The following PIGU variants were observed in gnomAD, a reference collection of about 807,000 sequenced individuals.
PIGU encodes the protein phosphatidylinositol glycan anchor biosynthesis class U, also known as GPI-anchor transamidase component PIGU.
PIGU carries 24 observed loss-of-function variants against 49.9 expected under a neutral mutation model. That is an observed-to-expected ratio of 0.48 (90% CI 0.35 to 0.68). The LOEUF (loss-of-function observed/expected upper bound fraction) is 0.68, where lower values mean the gene tolerates loss of function less well. Ranked by LOEUF, PIGU falls within the 30% of genes least tolerant of loss-of-function variation. PIGU has a pLI of 0.01. For missense variants in PIGU, 490 were observed against 532.6 expected, an observed-to-expected ratio of 0.92 and a Z score of 0.79; for synonymous variants, 220 against 205.7, an observed-to-expected ratio of 1.07 and a Z score of -0.59.
At chr20:34,572,841 A>G (rs1983069958) in intron 11 of PIGU, among the ~76,000 whole-genome samples, 1 of 152,210 alleles carries the variant, frequency 6.6e-6, no homozygotes, top group Non-Finnish European at 1.5e-5. Flanking sequence ...ATTTACCTAC[A>G]TAAACAAACA....
chr20:34,605,329 C>T (rs1369801530), intron 7 of PIGU, among the ~76,000 whole-genome samples: 1 of 152,158 alleles, frequency 6.6e-6, no homozygotes, highest in Non-Finnish European at 1.5e-5. Flanking sequence ...AATAGTTTCA[C>T]CTCTGGCACT....
intron 6 of PIGU, among the ~76,000 whole-genome samples, chr20:34,617,756 C>A (rs576279999): frequency 2.0e-5 from 3 of 152,012 alleles, no homozygotes; most frequent in African/African-American, 7.3e-5. Flanking sequence ...GGGGCTGAGG[C>A]AGAATGATAT....
intron 2 of PIGU, among the ~76,000 whole-genome samples, chr20:34,649,162 C>T (rs1423131510): frequency 1.1e-4 from 17 of 151,804 alleles, no homozygotes; most frequent in Admixed American, 3.3e-4. Context: ...CCACCACGCC[C>T]GGTCTGTTTT....
chr20:34,583,986 G>A (rs2146708486), intron 9 of PIGU, among the ~76,000 whole-genome samples: 1 of 152,296 alleles, frequency 6.6e-6, no homozygotes, highest in African/African-American at 2.4e-5. Flanking sequence ...ACCTGTCTGT[G>A]TCTGTTTTCC....
intron 6 of PIGU, among the ~76,000 whole-genome samples, chr20:34,620,652 A>G (rs1371927808): frequency 6.6e-6 from 1 of 152,054 alleles, no homozygotes; most frequent in African/African-American, 2.4e-5. Context: ...TCTACTAAAA[A>G]TACAAAAAAT....
At chr20:34,592,161 C>T (rs1393991843) in intron 7 of PIGU, among the ~76,000 whole-genome samples, 5 of 150,070 alleles carry the variant, frequency 3.3e-5, no homozygotes, top group Admixed American at 2.7e-4. Context: ...TGCACTCGAG[C>T]CTGGGTGACA....
At chr20:34,661,347 A>G (rs922278806) in intron 1 of PIGU, among the ~76,000 whole-genome samples, 2 of 152,108 alleles carry the variant, frequency 1.3e-5, no homozygotes, top group Non-Finnish European at 2.9e-5. Context: ...TAGCTTTTCC[A>G]TCTTCACCCT....
At chr20:34,568,543 C>A (rs1982873049) in intron 11 of PIGU, among the ~76,000 whole-genome samples, 1 of 152,164 alleles carries the variant, frequency 6.6e-6, no homozygotes, top group Non-Finnish European at 1.5e-5. Context: ...CTCGAGCCAA[C>A]CCCAAATGGG....
intron 8 of PIGU, among the ~76,000 whole-genome samples, chr20:34,588,048 T>C (rs1250928280): frequency 6.6e-6 from 1 of 152,148 alleles, no homozygotes; most frequent in Non-Finnish European, 1.5e-5. Context: ...AGATGGATCA[T>C]TGAGACCAGC....
rs182348339 is a variant in PIGU, at chr20:34,649,109, C to T, written c.196-3775G>A. ...GTCTCAAACTCCTGACCTCGTGATCCGCCCGCCTTGGCCTCCCGAAGTGCT... is the reference window on the plus strand; with the variant it reads ...GTCTCAAACTCCTGACCTCGTGATCTGCCCGCCTTGGCCTCCCGAAGTGCT... On this transcript the variant is annotated intron_variant, in intron 2 of 11. Coordinates refer to ENST00000217446, the MANE Select transcript of PIGU (RefSeq NM_080476.5). 1.7e-3 allele frequency among the ~76,000 whole-genome samples: 264 copies of T among 152,194 alleles called. 1 individual carries two copies. The highest frequency in any genetic ancestry group is 9.7e-4 in the East Asian group (5 of 5,174).
chr20:34,613,430 T>C (rs1337491252), intron 7 of PIGU, among the ~76,000 whole-genome samples: 1 of 152,192 alleles, frequency 6.6e-6, no homozygotes, highest in Non-Finnish European at 1.5e-5. Context: ...CAGGAGGAAA[T>C]TTCCTTTAGT....
intron 7 of PIGU, among the ~76,000 whole-genome samples, chr20:34,614,528 G>C (rs1338616268): frequency 1.3e-5 from 2 of 151,578 alleles, no homozygotes; most frequent in African/African-American, 2.4e-5. Flanking sequence ...AGGAGACTAA[G>C]GTGAGACGAT....
rs1363062647 is a variant in PIGU at position 34,670,002 on chromosome 20, A to C, written c.130+6954T>G. Among the ~76,000 whole-genome samples, 3 of 152,346 alleles carry C rather than the reference A, an allele frequency of 2.0e-5. No individual in the cohort carries two copies. The East Asian group carries it at 5.8e-4, about 29-fold the overall frequency. ...AAAATACAAAGATGTCATTACATAT[A>C]AAAGTCAGGATAATAGTTACTTATG... On this transcript the variant is annotated intron_variant, in intron 1 of 11. Transcript: ENST00000217446.
chr20:34,606,534 A>G (rs1473170072), intron 7 of PIGU, among the ~76,000 whole-genome samples: 1 of 152,176 alleles, frequency 6.6e-6, no homozygotes, highest in Non-Finnish European at 1.5e-5. Context: ...TTGTGGTGTC[A>G]TTGAACTCGT....
rs759108515 is a variant in PIGU at position 34,645,289 on chromosome 20, C to T, written c.241G>A (p.Glu81Lys). The change falls in exon 3 of 12, where the codon GAA (glutamate) becomes AAA (lysine). Residue 81 changes from glutamate (E) to lysine (K), a missense_variant. Glu to Lys is a moderately conservative substitution (Grantham distance 56). Coordinates refer to ENST00000217446, the MANE Select transcript of PIGU (RefSeq NM_080476.5). ...AGGTTACTTACCATAAACACCAATT[C>T]AGCATAGTCAATTAGGAAATGAAAG... ...YLFHFLIDYA[E>K]LVFMITDALT... is the part of the protein sequence containing the mutation. 1 of 1,573,554 alleles carries T rather than the reference C, an allele frequency of 6.4e-7. No individual in the cohort carries two copies. Among genetic ancestry groups the T allele is most frequent in the Non-Finnish European group, 8.6e-7 (1 of 1,165,644 alleles).
At chr20:34,562,579 C>A in intron 11 of PIGU, 1 of 1,287,330 alleles carries the variant, frequency 7.8e-7, no homozygotes, top group African/African-American at 1.5e-5. Context: ...GAAGGTTGAA[C>A]AATCCTCATC....
chr20:34,604,764 CA>C (rs1234703650), intron 7 of PIGU, among the ~76,000 whole-genome samples: 1 of 152,172 alleles, frequency 6.6e-6, no homozygotes, highest in Non-Finnish European at 1.5e-5. Context: ...TAACCTGACC[CA>C]AGCTCCAGAA....
intron 7 of PIGU, among the ~76,000 whole-genome samples, chr20:34,593,079 G>A (rs557906808): frequency 6.6e-6 from 1 of 152,140 alleles, no homozygotes; most frequent in Non-Finnish European, 1.5e-5. Flanking sequence ...GCTCATGTCT[G>A]TAATCCCAGC....
intron 6 of PIGU, among the ~76,000 whole-genome samples, chr20:34,619,612 C>T (rs1379890240): frequency 6.6e-6 from 1 of 152,220 alleles, no homozygotes; most frequent in Non-Finnish European, 1.5e-5. Flanking sequence ...TGACTTTCTC[C>T]TGTCTCTCCC....
Sources: gnomAD v4.1 joint callset for allele counts (sites outside exome capture counted in the v4.1 genomes callset) on GRCh38, gnomAD v4.1.1 for gene constraint, MANE v1.5 for transcripts, NCBI Gene and HGNC (gene_info 2026-07-23, HGNC 2026-07-21) for gene names.